ZNF248: variants seen among roughly 807,000 people sequenced by gnomAD.
The protein encoded by ZNF248 is KRAB protein domain.
In ZNF248, 20 loss-of-function variants were observed where a neutral mutation model predicts 44.3. The observed-to-expected ratio is 0.45, with a 90% CI of 0.32 to 0.66. The LOEUF is 0.66. ZNF248 is among the 30% of genes least tolerant of loss of function. The probability of loss-of-function intolerance (pLI) is 0.04; values close to 1 mark genes in which losing one functional copy is unlikely to be tolerated. For missense variants in ZNF248, 654 were observed against 677.0 expected, an observed-to-expected ratio of 0.97 and a Z score of 0.38; for synonymous variants, 224 against 229.0, an observed-to-expected ratio of 0.98 and a Z score of 0.20.
chr10:37,832,638 C>G lies in ZNF248; in HGVS notation c.717G>C (p.Glu239Asp), dbSNP rs758890722. 1.4e-5 allele frequency: 22 copies of G among 1,613,218 alleles called. No individual in the cohort carries two copies. The highest frequency in any genetic ancestry group is 1.9e-5 in the Non-Finnish European group (22 of 1,179,896). Residue 239 changes from glutamate (E) to aspartate (D), a missense_variant, in exon 6 of 6, where the codon GAG becomes GAC. By Grantham distance (45) the Glu-to-Asp change is conservative. Coordinates refer to ENST00000395867, the MANE Select transcript of ZNF248 (RefSeq NM_021045.3). ...FFTNKRSQIG[E>D]TVCKYNECGR... ...CACATTCGTTATATTTACAGACTGT[C>G]TCTCCTATCTGAGATCTCTTATTTG...
At chr10:37,776,941 C>A (rs2046640040) in intron 6 of ZNF248, among the ~76,000 whole-genome samples, 1 of 152,048 alleles carries the variant, frequency 6.6e-6, no homozygotes, top group Admixed American at 6.6e-5. Flanking sequence ...GTTGTAAGGA[C>A]TAAATAAAAG....
chr10:37,837,940 T>A lies in ZNF248; in HGVS notation c.142+45A>T, dbSNP rs1216517880. 2.5e-6 allele frequency: 4 copies of A among 1,596,872 alleles called. No individual in the cohort carries two copies. The East Asian group carries it at 9.0e-5, about 36-fold the overall frequency. The stretch of plus-strand genomic sequence containing the variant: ...CAGAAAACTACAGGGCATCAACTAG[T>A]AAATGCATGCTATTGATAGCCATGT... On this transcript the variant is annotated intron_variant, in intron 4 of 5. Coordinates refer to ENST00000395867, the MANE Select transcript of ZNF248 (RefSeq NM_021045.3).
chr10:37,760,667 C>A, the ZNF248 span, among the ~76,000 whole-genome samples: 55 of 152,244 alleles, frequency 3.6e-4, no homozygotes, highest in African/African-American at 1.2e-3. Context: ...AACCCCGTTT[C>A]TACTAAAAGT....
At chr10:37,763,371 C>T in the ZNF248 span, among the ~76,000 whole-genome samples, 69 of 152,304 alleles carry the variant, frequency 4.5e-4, no homozygotes, top group Non-Finnish European at 6.3e-4. Context: ...CTGGCTCCAG[C>T]GAGTGATCTC....
chr10:37,776,709 T>C (rs1190040815), intron 6 of ZNF248: 2 of 376,232 alleles, frequency 5.3e-6, no homozygotes, highest in Non-Finnish European at 9.4e-6. Context: ...AACACAGTCA[T>C]GCAGCCTGAC....
intron 6 of ZNF248, among the ~76,000 whole-genome samples, chr10:37,779,186 C>T (rs1244406922): frequency 1.3e-5 from 2 of 152,046 alleles, no homozygotes; most frequent in Non-Finnish European, 2.9e-5. Context: ...CATTCTGATA[C>T]CAAAGCCAGG....
At chr10:37,814,137 G>A (rs1309802429) in intron 6 of ZNF248, among the ~76,000 whole-genome samples, 1 of 151,906 alleles carries the variant, frequency 6.6e-6, no homozygotes, top group Non-Finnish European at 1.5e-5. Flanking sequence ...ATTTTTGCTA[G>A]TAAAATCTTT....
intron 6 of ZNF248, among the ~76,000 whole-genome samples, chr10:37,793,526 A>C (rs756229753): frequency 2.6e-5 from 4 of 152,192 alleles, no homozygotes; most frequent in Admixed American, 2.0e-4. Flanking sequence ...TGTCAGATAA[A>C]ATAAATAAAA....
At chr10:37,773,005 G>C (rs2046324380), downstream of ZNF248, among the ~76,000 whole-genome samples, 1 of 152,206 alleles carries the variant, frequency 6.6e-6, no homozygotes, top group Non-Finnish European at 1.5e-5. Flanking sequence ...AAAAAAATGG[G>C]GGAGGCCGAG....
intron 6 of ZNF248, among the ~76,000 whole-genome samples, chr10:37,780,938 TGCAAAAGGC>T (rs1444188441): frequency 6.6e-6 from 1 of 152,168 alleles, no homozygotes; most frequent in Non-Finnish European, 1.5e-5. Flanking sequence ...TGCAGGAGAT[TGCAAAAGGC>T]GCAGAGCACA....
intron 6 of ZNF248, among the ~76,000 whole-genome samples, chr10:37,806,907 G>C (rs907710004): frequency 6.6e-6 from 1 of 152,068 alleles, no homozygotes; most frequent in South Asian, 2.1e-4. Flanking sequence ...AATCCATGTT[G>C]AGTTACTTTG....
intron 6 of ZNF248, among the ~76,000 whole-genome samples, chr10:37,782,784 G>C (rs1260690808): frequency 6.6e-6 from 1 of 152,140 alleles, no homozygotes; most frequent in Non-Finnish European, 1.5e-5. Context: ...CCAGAAGCTA[G>C]GAAGAGGCAA....
intron 6 of ZNF248, among the ~76,000 whole-genome samples, chr10:37,780,380 A>C (rs1477007942): frequency 6.6e-6 from 1 of 152,208 alleles, no homozygotes; most frequent in Non-Finnish European, 1.5e-5. Context: ...CAACTATCTG[A>C]TCTTTGACAA....
At position 37,832,219 on chromosome 10, in the gene ZNF248, G is replaced by A. The variant is rs745578395; in HGVS notation, c.1136C>T (p.Thr379Ile). 3 of 1,614,058 alleles carry A rather than the reference G, an allele frequency of 1.9e-6. No individual in the cohort carries two copies. The highest frequency in any genetic ancestry group is 3.3e-5 in the Admixed American group (2 of 60,002). The change falls in exon 6 of 6, where the codon ACC (threonine) becomes ATC (isoleucine). Residue 379 changes from threonine (T) to isoleucine (I), a missense_variant. Coordinates refer to ENST00000395867, the MANE Select transcript of ZNF248 (RefSeq NM_021045.3). Reference sequence around the variant, plus strand: ...TTTCCCACATTCACCACATTCAAAGGTTTTTTCTCCTGTGTGAGCTCTCCG... The same window carrying A: ...TTTCCCACATTCACCACATTCAAAGATTTTTTCTCCTGTGTGAGCTCTCCG... ...QLRRAHTGEK[T>I]FECGECGKTF...
chr10:37,767,702 A>T, the ZNF248 span, among the ~76,000 whole-genome samples: 1 of 152,242 alleles, frequency 6.6e-6, no homozygotes, highest in Non-Finnish European at 1.5e-5. Context: ...CAAGGCTAGG[A>T]AGAAACTGCA....
At chr10:37,854,552 A>G (rs1293822237) in intron 3 of ZNF248, among the ~76,000 whole-genome samples, 3 of 152,204 alleles carry the variant, frequency 2.0e-5, no homozygotes, top group Non-Finnish European at 2.9e-5. Context: ...GGTTGCCCCA[A>G]ATCCAAAAGT....
rs184473251 is a variant in ZNF248, at chr10:37,835,517, A to G, written c.238+2100T>C. Among the ~76,000 whole-genome samples, 245 of 152,330 alleles carry G rather than the reference A, an allele frequency of 1.6e-3. 1 individual carries two copies. The highest frequency in any genetic ancestry group is 5.1e-3 in the African/African-American group (212 of 41,578). On this transcript the variant is annotated intron_variant, in intron 5 of 5. Coordinates refer to ENST00000395867, the MANE Select transcript of ZNF248 (RefSeq NM_021045.3). ...CCAAGACTACTCTCACCTACATACAATCACACTCTAGAAAAGGGGTTGGCA... is the reference window on the plus strand; with the variant it reads ...CCAAGACTACTCTCACCTACATACAGTCACACTCTAGAAAAGGGGTTGGCA...
intron 6 of ZNF248, chr10:37,818,634 A>C (rs937664394): frequency 1.6e-5 from 8 of 495,066 alleles, no homozygotes; most frequent in Non-Finnish European, 3.1e-5. Context: ...GGACACCCCA[A>C]AGGTTGATGC....
At chr10:37,851,750 T>C (rs1318190346) in intron 3 of ZNF248, among the ~76,000 whole-genome samples, 3 of 44,894 alleles carry the variant, frequency 6.7e-5, no homozygotes, top group Non-Finnish European at 1.3e-4. Flanking sequence ...AAAATCACTA[T>C]ATACCCATCA....
Sources: gnomAD v4.1 joint callset for allele counts (sites outside exome capture counted in the v4.1 genomes callset) on GRCh38, gnomAD v4.1.1 for gene constraint, MANE v1.5 for transcripts, NCBI Gene and HGNC (gene_info 2026-07-23, HGNC 2026-07-21) for gene names.